The following DDX10 variants were observed in gnomAD, a reference collection of about 807,000 sequenced individuals.
The protein encoded by DDX10 is probable ATP-dependent RNA helicase DDX10.
DDX10 carries 74 observed loss-of-function variants against 104.3 expected under a neutral mutation model. The ratio of observed to expected loss-of-function variants is 0.71; its 90% CI spans 0.59 to 0.86. The LOEUF is 0.86. Ranked by LOEUF, DDX10 falls within the 40% of genes least tolerant of loss-of-function variation. DDX10 has a pLI of 0.00. For missense variants in DDX10, 952 were observed against 1,040.0 expected (o/e 0.92, Z 1.16); for synonymous variants, 351 against 353.4 (o/e 0.99, Z 0.08).
At position 108,829,456 on chromosome 11, in the gene DDX10, G is replaced by A. The variant is rs143025464; in HGVS notation, c.1966-8990G>A. ...TTTGATGGAATTTTTTTTTCTTGCC[G>A]ATTTGTTTGAATTCTTTGTAGATTC... is the stretch of plus-strand genomic sequence containing the variant. On this transcript the variant is annotated intron_variant, in intron 13 of 17. Coordinates refer to ENST00000322536, the MANE Select transcript of DDX10 (RefSeq NM_004398.4). 3.9e-5 allele frequency among the ~76,000 whole-genome samples: 6 copies of A among 151,922 alleles called. No homozygotes were observed. The East Asian group carries it at 7.7e-4, about 20-fold the overall frequency.
chr11:108,818,082 CTG>C (rs1230484666), intron 13 of DDX10, among the ~76,000 whole-genome samples: 1 of 152,204 alleles, frequency 6.6e-6, no homozygotes, highest in Non-Finnish European at 1.5e-5. Context: ...GAAAGCAACT[CTG>C]TGGAAACTGA....
chr11:108,856,930 A>G (rs1404661861), intron 16 of DDX10, among the ~76,000 whole-genome samples: 1 of 143,018 alleles, frequency 7.0e-6, no homozygotes, highest in African/African-American at 2.6e-5. Flanking sequence ...AGACCAGCTC[A>G]ACTTTATTTT....
At chr11:108,937,318 A>G (rs1295901282) in intron 17 of DDX10, among the ~76,000 whole-genome samples, 3 of 152,230 alleles carry the variant, frequency 2.0e-5, no homozygotes, top group Non-Finnish European at 2.9e-5. Flanking sequence ...GTGATGGTGT[A>G]ACTACAAGTA....
At chr11:108,855,501 C>T (rs549906323) in intron 16 of DDX10, among the ~76,000 whole-genome samples, 11 of 152,220 alleles carry the variant, frequency 7.2e-5, no homozygotes, top group African/African-American at 2.4e-4. Context: ...GCTCTGTCAC[C>T]GAGGCTGGAG....
intron 13 of DDX10, chr11:108,730,059 G>A (rs1290286973): frequency 1.3e-5 from 2 of 152,730 alleles, no homozygotes; most frequent in Non-Finnish European, 2.9e-5. Flanking sequence ...GCAATTCAGA[G>A]TAAAAGCTTA....
At chr11:108,852,092 G>A in intron 15 of DDX10, 61 bp from the exon 16 acceptor site, 1 of 1,268,704 alleles carries the variant, frequency 7.9e-7, no homozygotes, top group Non-Finnish European at 1.1e-6. Context: ...TGTAATGAAT[G>A]TGTAGTCTGT....
At chr11:108,877,540 A>G (rs1321781558) in intron 16 of DDX10, among the ~76,000 whole-genome samples, 2 of 152,212 alleles carry the variant, frequency 1.3e-5, no homozygotes, top group Non-Finnish European at 2.9e-5. Flanking sequence ...ATTTGTACAA[A>G]TCAAGCTTGT....
At chr11:108,819,898 C>G (rs1330991529) in intron 13 of DDX10, among the ~76,000 whole-genome samples, 3 of 152,198 alleles carry the variant, frequency 2.0e-5, no homozygotes, top group Non-Finnish European at 2.9e-5. Context: ...CCGCGCCCAG[C>G]CCCATACGCC....
intron 13 of DDX10, among the ~76,000 whole-genome samples, chr11:108,801,520 A>G (rs1057455429): frequency 1.3e-5 from 2 of 152,322 alleles, no homozygotes; most frequent in Middle Eastern, 3.4e-3. Context: ...CTGACACTAC[A>G]CTATGTGCTA....
At position 108,874,315 on chromosome 11, in the gene DDX10, G is replaced by T. The variant is rs182166221; in HGVS notation, c.2304+22106G>T. Among the ~76,000 whole-genome samples, 170 of 152,268 alleles carry T rather than the reference G, an allele frequency of 1.1e-3. 2 individuals carry two copies. The highest frequency in any genetic ancestry group is 4.0e-3 in the African/African-American group (165 of 41,558). ...AGCCCCCTCATGAGGGAAGTGTGCTGCACACTCTCTCTACTTTAGATGCCA... is the reference window on the plus strand; with the variant it reads ...AGCCCCCTCATGAGGGAAGTGTGCTTCACACTCTCTCTACTTTAGATGCCA... On this transcript the variant is annotated intron_variant, in intron 16 of 17. Coordinates refer to ENST00000322536, the MANE Select transcript of DDX10 (RefSeq NM_004398.4).
chr11:108,866,234 C>T (rs1430503036), intron 16 of DDX10, among the ~76,000 whole-genome samples: 1 of 152,022 alleles, frequency 6.6e-6, no homozygotes, highest in Non-Finnish European at 1.5e-5. Context: ...AGATGAAAAG[C>T]AGCTAGGAAA....
At chr11:108,764,081 T>C (rs2094353741) in intron 13 of DDX10, among the ~76,000 whole-genome samples, 1 of 152,296 alleles carries the variant, frequency 6.6e-6, no homozygotes, top group Admixed American at 6.5e-5. Context: ...GAATGGAAAA[T>C]CTTTAGAACT....
intron 16 of DDX10, among the ~76,000 whole-genome samples, chr11:108,855,973 T>C (rs989560029): frequency 6.6e-6 from 1 of 152,202 alleles, no homozygotes; most frequent in Non-Finnish European, 1.5e-5. Flanking sequence ...TTTTCACTTG[T>C]TTTTATTTTT....
At chr11:108,920,799 T>G (rs999056779) in intron 17 of DDX10, 2 of 152,004 alleles carry the variant, frequency 1.3e-5, no homozygotes, top group Admixed American at 6.6e-5. Flanking sequence ...CCCAGATAGT[T>G]TTTTGTTTGA....
chr11:108,908,523 A>G (rs1863627255), intron 16 of DDX10, among the ~76,000 whole-genome samples: 1 of 152,238 alleles, frequency 6.6e-6, no homozygotes, highest in Non-Finnish European at 1.5e-5. Flanking sequence ...GTTTTTATGA[A>G]TGCTGTATGG....
chr11:108,668,721 G>T (rs1332354599), intron 1 of DDX10, among the ~76,000 whole-genome samples: 2 of 151,952 alleles, frequency 1.3e-5, no homozygotes, highest in Non-Finnish European at 2.9e-5. Flanking sequence ...GAGTATATAT[G>T]GAAAAAAAAT....
At chr11:108,709,745 C>T (rs1171993284) in intron 10 of DDX10, among the ~76,000 whole-genome samples, 3 of 151,126 alleles carry the variant, frequency 2.0e-5, no homozygotes, top group African/African-American at 7.3e-5. Flanking sequence ...TTAATTTTTT[C>T]CCCCCTATTG....
At chr11:108,769,422 A>G (rs950246702) in intron 13 of DDX10, among the ~76,000 whole-genome samples, 10 of 151,866 alleles carry the variant, frequency 6.6e-5, no homozygotes, top group African/African-American at 2.2e-4. Flanking sequence ...AATAAGTTAT[A>G]TTTGGTTCTT....
At chr11:108,799,686 C>T (rs1400686015) in intron 13 of DDX10, among the ~76,000 whole-genome samples, 2 of 152,184 alleles carry the variant, frequency 1.3e-5, no homozygotes, top group Admixed American at 1.3e-4. Flanking sequence ...TGACCTTGCG[C>T]AGATTTCATC....
Sources: gnomAD v4.1 joint callset for allele counts (sites outside exome capture counted in the v4.1 genomes callset) on GRCh38, gnomAD v4.1.1 for gene constraint, MANE v1.5 for transcripts, NCBI Gene and HGNC (gene_info 2026-07-23, HGNC 2026-07-21) for gene names.